Variants in RGS7 observed in about 807,000 individuals in gnomAD.
RGS7 encodes the protein regulator of G-protein signaling 7.
In RGS7, 27 loss-of-function variants were observed where a neutral mutation model predicts 81.1. The ratio of observed to expected loss-of-function variants is 0.33; its 90% CI spans 0.25 to 0.46. RGS7 has a LOEUF of 0.46. RGS7 is among the 20% of genes least tolerant of loss of function. The probability of loss-of-function intolerance (pLI) is 1.00; values close to 1 mark genes in which losing one functional copy is unlikely to be tolerated. For synonymous variants in RGS7, 208 were observed against 207.7 expected, an observed-to-expected ratio of 1.00 and a Z score of -0.01; for missense variants, 396 against 607.4, an observed-to-expected ratio of 0.65 and a Z score of 3.66.
intron 3 of RGS7, among the ~76,000 whole-genome samples, chr1:241,070,560 T>C (rs2062376372): frequency 6.6e-6 from 1 of 152,192 alleles, no homozygotes; most frequent in African/African-American, 2.4e-5. Flanking sequence ...TGGTTGTGAA[T>C]AGAAAGAGCT....
At chr1:241,253,025 T>C (rs2076906599) in intron 2 of RGS7, among the ~76,000 whole-genome samples, 1 of 152,230 alleles carries the variant, frequency 6.6e-6, no homozygotes, top group Non-Finnish European at 1.5e-5. Flanking sequence ...AAGTGTGCCT[T>C]GAGACAGAGT....
chr1:241,000,146 G>A (rs925989225), intron 3 of RGS7, among the ~76,000 whole-genome samples: 1 of 152,164 alleles, frequency 6.6e-6, no homozygotes, highest in Admixed American at 6.5e-5. Context: ...GAAGTGGGGT[G>A]TTATTACTAC....
At chr1:240,783,592 C>T (rs1684495425) in intron 18 of RGS7, among the ~76,000 whole-genome samples, 1 of 151,640 alleles carries the variant, frequency 6.6e-6, no homozygotes, top group African/African-American at 2.4e-5. Context: ...CACTGCACTC[C>T]AGTCTGGGTG....
At chr1:241,275,687 A>G (rs368044918) in intron 2 of RGS7, among the ~76,000 whole-genome samples, 16 of 152,358 alleles carry the variant, frequency 1.1e-4, no homozygotes, top group African/African-American at 3.6e-4. Flanking sequence ...ATGATTCCAC[A>G]GAGCCCTATT....
chr1:240,872,136 G>A (rs905735100), intron 6 of RGS7, among the ~76,000 whole-genome samples: 3 of 152,046 alleles, frequency 2.0e-5, no homozygotes, highest in South Asian at 2.1e-4. Flanking sequence ...ATGAAGGTGC[G>A]GGCAGACAGT....
At chr1:241,319,634 C>T (rs2081095328) in intron 2 of RGS7, among the ~76,000 whole-genome samples, 1 of 152,070 alleles carries the variant, frequency 6.6e-6, no homozygotes, top group African/African-American at 2.4e-5. Flanking sequence ...AAGTGATCCT[C>T]CTGCCTCAGC....
chr1:240,958,756 T>G (rs1308172933), intron 4 of RGS7, among the ~76,000 whole-genome samples: 3 of 152,214 alleles, frequency 2.0e-5, no homozygotes, highest in Admixed American at 2.0e-4. Context: ...GCTTCCTTCT[T>G]GCTTTTCTTC....
At chr1:241,028,169 G>A (rs11586345) in intron 3 of RGS7, among the ~76,000 whole-genome samples, 4,744 of 152,234 alleles carry the variant, frequency 0.031, 100 homozygotes, top group South Asian at 0.073. Context: ...CCCTTTCAAC[G>A]TTTGGATGTT....
intron 2 of RGS7, among the ~76,000 whole-genome samples, chr1:241,204,379 T>C (rs904736510): frequency 3.3e-5 from 5 of 151,924 alleles, no homozygotes; most frequent in African/African-American, 1.2e-4. Context: ...CTGCAGGGGG[T>C]GGATAGATAA....
chr1:241,113,326 T>C (rs2065662266), intron 2 of RGS7, among the ~76,000 whole-genome samples: 1 of 152,190 alleles, frequency 6.6e-6, no homozygotes, highest in Non-Finnish European at 1.5e-5. Flanking sequence ...CAGAAGGTCA[T>C]GGCAGTGATG....
chr1:240,804,461 C>CACA (rs1688513881), intron 15 of RGS7, among the ~76,000 whole-genome samples: 6 of 150,774 alleles, frequency 4.0e-5, no homozygotes, highest in African/African-American at 1.5e-4. Flanking sequence ...TTAAAAACCA[C>CACA]AAAAAAAACT....
intron 3 of RGS7, among the ~76,000 whole-genome samples, chr1:241,081,913 T>C (rs960028405): frequency 6.6e-6 from 1 of 152,196 alleles, no homozygotes; most frequent in Admixed American, 6.5e-5. Context: ...AGAATTTCCC[T>C]TTACCAAGGC....
At chr1:241,169,095 T>C (rs2070507578) in intron 2 of RGS7, among the ~76,000 whole-genome samples, 1 of 152,152 alleles carries the variant, frequency 6.6e-6, no homozygotes. Flanking sequence ...AATGGGTGTT[T>C]TTTTAAGTCA....
intron 3 of RGS7, among the ~76,000 whole-genome samples, chr1:240,996,498 T>C (rs1321188549): frequency 6.6e-6 from 1 of 152,216 alleles, no homozygotes; most frequent in Non-Finnish European, 1.5e-5. Context: ...TACATACACA[T>C]TTAAGTTTGC....
chr1:241,197,151 A>G (rs1230412179), intron 2 of RGS7, among the ~76,000 whole-genome samples: 1 of 151,818 alleles, frequency 6.6e-6, no homozygotes, highest in Non-Finnish European at 1.5e-5. Context: ...TTTAAAAAAT[A>G]ATTATATGAC....
chr1:241,227,057 T>C (rs1312986768), intron 2 of RGS7, among the ~76,000 whole-genome samples: 1 of 152,188 alleles, frequency 6.6e-6, no homozygotes, highest in African/African-American at 2.4e-5. Context: ...GAACTGACAA[T>C]ACGAAGGTTG....
rs538725274 is a variant in RGS7 at position 240,999,779 on chromosome 1, T to C, written c.176-16650A>G. Among the ~76,000 whole-genome samples, 50 of 131,192 alleles carry C rather than the reference T, an allele frequency of 3.8e-4. 1 individual carries two copies. In the South Asian group the frequency reaches 8.4e-3, roughly 22 times the overall value. 86.1% of individuals were successfully genotyped at this position (131,192 alleles called of 152,430 possible). On this transcript the variant is annotated intron_variant, in intron 3 of 18. Transcript: ENST00000440928. ...CCACGCTCGGCTAATTTTTTTTTTT[T>C]CCCAGTAGAGACGGGGTTTCGCCAT... is the stretch of plus-strand genomic sequence containing the variant.
chr1:241,041,228 A>G (rs1426161619), intron 3 of RGS7, among the ~76,000 whole-genome samples: 1 of 152,202 alleles, frequency 6.6e-6, no homozygotes, highest in African/African-American at 2.4e-5. Flanking sequence ...AGTTTTATGA[A>G]TTACTCTCCA....
chr1:241,113,965 T>A (rs1393228818), intron 2 of RGS7, among the ~76,000 whole-genome samples: 1 of 152,198 alleles, frequency 6.6e-6, no homozygotes, highest in Non-Finnish European at 1.5e-5. Context: ...TTTCTTTTGT[T>A]CTCTTTTACT....
Sources: allele counts gnomAD v4.1 joint callset (sites outside exome capture counted in the v4.1 genomes callset), GRCh38; gene constraint gnomAD v4.1.1; transcripts MANE v1.5; gene names NCBI Gene and HGNC (gene_info 2026-07-23, HGNC 2026-07-21).